Variants in NDRG1 observed in about 807,000 individuals in gnomAD.
The protein encoded by NDRG1 is protein NDRG1.
Under a neutral mutation model 56.9 loss-of-function variants are expected in NDRG1, and 32 were observed. The ratio of observed to expected loss-of-function variants is 0.56; its 90% CI spans 0.42 to 0.76. The LOEUF (loss-of-function observed/expected upper bound fraction) is 0.76, where lower values mean the gene tolerates loss of function less well. Ranked by LOEUF, NDRG1 falls within the 30% of genes least tolerant of loss-of-function variation. The pLI, the probability that NDRG1 is intolerant of heterozygous loss-of-function variation, is 0.00. For missense variants in NDRG1, 507 were observed against 545.7 expected, an observed-to-expected ratio of 0.93 and a Z score of 0.71; for synonymous variants, 211 against 204.1, an observed-to-expected ratio of 1.03 and a Z score of -0.29.
intron 14 of NDRG1, 77 bp downstream of exon 14, chr8:133,244,278 A>G: frequency 6.6e-7 from 1 of 1,519,530 alleles, no homozygotes; most frequent in Non-Finnish European, 9.1e-7. Flanking sequence ...ATGAGGGAAC[A>G]GGTGTCACAG....
chr8:133,296,404 G>A (rs773947615), intron 1 of NDRG1: 24 of 445,256 alleles, frequency 5.4e-5, no homozygotes, highest in Admixed American at 1.9e-4. Context: ...TCCTCCGGGG[G>A]CGCACCCTGC....
chr8:133,243,098 C>G (rs188231605), intron 14 of NDRG1, among the ~76,000 whole-genome samples: 67 of 152,312 alleles, frequency 4.4e-4, no homozygotes, highest in African/African-American at 1.5e-3. Flanking sequence ...GGGTCCTATT[C>G]TCCTGAGGCA....
chr8:133,296,670 G>A (rs1858783219), intron 1 of NDRG1: 1 of 406,716 alleles, frequency 2.5e-6, no homozygotes, highest in Non-Finnish European at 4.9e-6. Context: ...ACACTCGCGC[G>A]CAATCTCTCC....
rs571945984 is a variant in NDRG1 at position 133,260,471 on chromosome 8, C to A, written c.327-1241G>T. Among the ~76,000 whole-genome samples the A allele has an allele frequency of 2.6e-5, 4 of 152,272 alleles. No homozygotes were observed. The East Asian group carries it at 7.7e-4, about 29-fold the overall frequency. ...CACATAGTAAACTAGGGGGAAAATG[C>A]GCTGTAATACCCAGACCAACGGAAT... is the stretch of plus-strand genomic sequence containing the variant. On this transcript the variant is annotated intron_variant, in intron 5 of 15. Transcript: ENST00000323851.
In NDRG1 at chr8:133,237,217, T is replaced by C. The variant is rs1441902132; in HGVS notation, c.*1661A>G. The stretch of plus-strand genomic sequence containing the variant: ...ATTGGTCTGGAAATAAATACAAATA[T>C]CTCATTAAGAAACTCCTCTGGAAAG... On this transcript the variant is annotated 3_prime_UTR_variant, in exon 16 of 16. Transcript: ENST00000323851. The C allele has an allele frequency of 9.0e-6, 2 of 221,774 alleles. No individual in the cohort carries two copies. Among genetic ancestry groups the C allele is most frequent in the African/African-American group, 4.5e-5 (2 of 44,620 alleles). The allele number at this position is 221,774 out of a possible 1,614,324, so 13.7% of individuals were successfully genotyped here.
rs1387517426 is a variant in NDRG1, at chr8:133,237,908, G to C, written c.*970C>G. On this transcript the variant is annotated 3_prime_UTR_variant, in exon 16 of 16. Transcript: ENST00000323851. The stretch of plus-strand genomic sequence containing the variant: ...AACAACAAGGAATCCCTTACATCGA[G>C]TAACCCCAATTCCACCCCCACCCCA... 4.3e-6 allele frequency: 1 copy of C among 232,838 alleles called. No individual in the cohort carries two copies. Among genetic ancestry groups the C allele is most frequent in the Non-Finnish European group, 8.5e-6 (1 of 117,966 alleles). The allele number at this position is 232,838 out of a possible 1,614,324, so 14.4% of individuals were successfully genotyped here. A position where few individuals can be genotyped will look rare whatever the true frequency, so the allele number is the denominator to read the frequency against.
chr8:133,251,968 G>A (rs941085003), intron 9 of NDRG1, among the ~76,000 whole-genome samples: 6 of 152,216 alleles, frequency 3.9e-5, no homozygotes, highest in African/African-American at 1.4e-4. Flanking sequence ...AAGGAATGCC[G>A]ACAGCGACCT....
At chr8:133,285,856 G>A (rs939026214) in intron 1 of NDRG1, among the ~76,000 whole-genome samples, 27 of 152,228 alleles carry the variant, frequency 1.8e-4, no homozygotes, top group Admixed American at 1.5e-3. Flanking sequence ...TGAAAGGCCC[G>A]CGTCTGTTAG....
chr8:133,260,291 C>A (rs1856597228), intron 5 of NDRG1, among the ~76,000 whole-genome samples: 1 of 152,172 alleles, frequency 6.6e-6, no homozygotes, highest in African/African-American at 2.4e-5. Context: ...GCTCTGCTGT[C>A]TCGGCTTCAG....
chr8:133,290,207 G>C (rs1201862353), intron 1 of NDRG1, among the ~76,000 whole-genome samples: 1 of 152,120 alleles, frequency 6.6e-6, no homozygotes, highest in Non-Finnish European at 1.5e-5. Flanking sequence ...ACTCCCACAG[G>C]GTGAGGCTGA....
intron 2 of NDRG1, among the ~76,000 whole-genome samples, chr8:133,282,737 T>C (rs970181889): frequency 2.6e-5 from 4 of 152,266 alleles, no homozygotes; most frequent in Admixed American, 6.5e-5. Flanking sequence ...GGTTGCTTTC[T>C]TGCTATAATG....
intron 10 of NDRG1, among the ~76,000 whole-genome samples, 188 bp from the exon 11 acceptor site, chr8:133,248,959 G>A (rs1855856304): frequency 6.6e-6 from 1 of 152,150 alleles, no homozygotes; most frequent in African/African-American, 2.4e-5. Context: ...CCTGGTTAGA[G>A]GGACAGCACA....
Position 133,254,597 on chromosome 8 carries a change from T to C in NDRG1, c.538-2A>G. The C allele has an allele frequency of 6.2e-7, 1 of 1,613,978 alleles. No individual in the cohort carries two copies. Among genetic ancestry groups the C allele is most frequent in the Non-Finnish European group, 8.5e-7 (1 of 1,179,940 alleles). On this transcript the variant is annotated splice_acceptor_variant, in intron 8 of 15. Coordinates refer to ENST00000323851, the MANE Select transcript of NDRG1 (RefSeq NM_006096.4). LOFTEE classifies it high-confidence loss of function. ...CAGAGCTTGGGTCCATCCTGAGATCTGGAAAGGAGTAAAGTGGGTGGATGA... is the reference window on the plus strand; with the variant it reads ...CAGAGCTTGGGTCCATCCTGAGATCCGGAAAGGAGTAAAGTGGGTGGATGA...
At chr8:133,280,407 G>C (rs1487016336) in intron 2 of NDRG1, 140 bp from the exon 3 acceptor site, 1 of 743,910 alleles carries the variant, frequency 1.3e-6, no homozygotes, top group African/African-American at 1.8e-5. Context: ...TCCTCACAAA[G>C]GCAGGCTTTC....
intron 3 of NDRG1, 70 bp from the exon 4 acceptor site, chr8:133,264,722 A>AC: frequency 1.5e-6 from 2 of 1,307,602 alleles, no homozygotes; most frequent in Non-Finnish European, 2.2e-6. Flanking sequence ...GAAGACAGCC[A>AC]GCCTGTTTCC....
chr8:133,296,667 C>A, intron 1 of NDRG1: 1 of 412,060 alleles, frequency 2.4e-6, no homozygotes, highest in East Asian at 7.2e-5. Flanking sequence ...TACACACTCG[C>A]GCGCAATCTC....
intron 3 of NDRG1, among the ~76,000 whole-genome samples, chr8:133,275,383 G>C (rs1200856342): frequency 6.6e-6 from 1 of 152,192 alleles, no homozygotes; most frequent in Non-Finnish European, 1.5e-5. Flanking sequence ...GGAACACTGA[G>C]CCTGTTAACA....
chr8:133,281,288 C>G (rs1305511257), intron 2 of NDRG1, among the ~76,000 whole-genome samples: 1 of 149,344 alleles, frequency 6.7e-6, no homozygotes, highest in East Asian at 2.0e-4. Flanking sequence ...ACCCAGGAGA[C>G]AGAGGTTGCA....
chr8:133,243,356 C>T (rs1855489593), intron 14 of NDRG1, among the ~76,000 whole-genome samples: 1 of 152,138 alleles, frequency 6.6e-6, no homozygotes, highest in South Asian at 2.1e-4. Flanking sequence ...ACACTTGGGC[C>T]CAATTTTAGC....
Sources: gnomAD v4.1 joint callset for allele counts (sites outside exome capture counted in the v4.1 genomes callset) on GRCh38, gnomAD v4.1.1 for gene constraint, MANE v1.5 for transcripts, NCBI Gene and HGNC (gene_info 2026-07-23, HGNC 2026-07-21) for gene names.